Variants in MAJIN observed in about 807,000 individuals in gnomAD.
The protein encoded by MAJIN is membrane-anchored junction protein.
Under a neutral mutation model 30.2 loss-of-function variants are expected in MAJIN, and 27 were observed. The observed-to-expected ratio is 0.89, with a 90% confidence interval of 0.66 to 1.23. MAJIN has a LOEUF of 1.23. Among genes scored for constraint, MAJIN ranks in the 50% most tolerant of loss-of-function variants. The pLI is 0.00. For missense variants in MAJIN, 253 were observed against 260.3 expected (o/e 0.97, Z 0.19); for synonymous variants, 78 against 91.6 (o/e 0.85, Z 0.85).
At chr11:64,953,399 A>G (rs1331272107) in intron 4 of MAJIN, among the ~76,000 whole-genome samples, 1 of 152,196 alleles carries the variant, frequency 6.6e-6, no homozygotes, top group Non-Finnish European at 1.5e-5. Context: ...GACTGGCTCT[A>G]AAGTCTGTGT....
Position 64,938,420 on chromosome 11 carries a change from CCCA to C in MAJIN, c.*152_*154del. 3 of 1,303,146 alleles carry C rather than the reference CCCA, an allele frequency of 2.3e-6. No homozygotes were observed. The highest frequency in any genetic ancestry group is 3.2e-6 in the Non-Finnish European group (3 of 938,082). The allele number at this position is 1,303,146 out of a possible 1,614,324, so 80.7% of individuals were successfully genotyped here. On this transcript the variant is annotated 3_prime_UTR_variant, in exon 11 of 11. Transcript: ENST00000301896. ...AGGACTCAGCATGGGGACCTCATTC[CCCA>C]CGACTGAAGTGTCATAAGAAAAGGA...
chr11:64,967,115 A>G (rs995594819), intron 1 of MAJIN, among the ~76,000 whole-genome samples: 3 of 151,514 alleles, frequency 2.0e-5, no homozygotes, highest in Non-Finnish European at 4.4e-5. Flanking sequence ...ATCATATAAA[A>G]AAAAGAAAAA....
chr11:64,963,998 C>T (rs1945767848), intron 1 of MAJIN, among the ~76,000 whole-genome samples: 1 of 152,176 alleles, frequency 6.6e-6, no homozygotes, highest in Non-Finnish European at 1.5e-5. Context: ...AGCTGGAGTG[C>T]AGTAGCATGA....
At chr11:64,942,268 C>T (rs1050405905) in intron 8 of MAJIN, among the ~76,000 whole-genome samples, 5 of 151,628 alleles carry the variant, frequency 3.3e-5, no homozygotes, top group African/African-American at 4.8e-5. Context: ...ATTTTTTTCC[C>T]GTTTTTTAGA....
At chr11:64,941,664 A>G (rs1038441618) in intron 8 of MAJIN, among the ~76,000 whole-genome samples, 2 of 152,200 alleles carry the variant, frequency 1.3e-5, no homozygotes, top group African/African-American at 4.8e-5. Flanking sequence ...AAAAAGAAAA[A>G]GAAAAACAAA....
intron 3 of MAJIN, among the ~76,000 whole-genome samples, chr11:64,957,409 T>C (rs1945653145): frequency 1.3e-5 from 2 of 151,426 alleles, no homozygotes; most frequent in Admixed American, 6.6e-5. Context: ...TAGTTTATTG[T>C]TTTGTTTTGC....
Position 64,938,591 on chromosome 11 carries a change from G to T in MAJIN, c.*2-18C>A. On this transcript the variant is annotated intron_variant, in intron 10 of 10. Transcript: ENST00000301896. ...AGAGAGAGCTGCAAGAATGAGAACA[G>T]AGTAGGCTGAGACTCTATGAGGTCT... 1 of 1,534,942 alleles carries T rather than the reference G, an allele frequency of 6.5e-7. No individual in the cohort carries two copies. The highest frequency in any genetic ancestry group is 8.7e-7 in the Non-Finnish European group (1 of 1,145,938).
At chr11:64,970,361 CTTTT>C (rs1196525730) in intron 1 of MAJIN, among the ~76,000 whole-genome samples, 4 of 66,052 alleles carry the variant, frequency 6.1e-5, no homozygotes, top group Admixed American at 1.8e-4. Flanking sequence ...AAGACTCCGT[CTTTT>C]TTTTTTTTTT....
intron 9 of MAJIN, 132 bp downstream of exon 9, chr11:64,940,442 C>T (rs1945356637): frequency 7.1e-6 from 6 of 844,298 alleles, no homozygotes; most frequent in South Asian, 1.6e-5. Flanking sequence ...CTAACAAGCA[C>T]CTCCACGGGA....
intron 9 of MAJIN, 123 bp from the exon 10 acceptor site, chr11:64,939,890 G>C: frequency 1.3e-6 from 1 of 773,140 alleles, no homozygotes; most frequent in African/African-American, 1.8e-5. Flanking sequence ...TTTAAAGCCA[G>C]ATGAATTGTT....
At position 64,950,400 on chromosome 11, in the gene MAJIN, C is replaced by G; in HGVS notation, c.178G>C (p.Asp60His). ...TCTGTAGCAAAGGGCTGAAGATTGT[C>G]CAAGTTTCCCAAGACCACGCGGACA... ...DSVRVVLGNL[D>H]NLQPFATEHF... The change falls in exon 5 of 11, where the codon GAC becomes CAC. Residue 60 changes from aspartate to histidine, a missense_variant. Transcript: ENST00000301896. 1 of 1,612,084 alleles carries G rather than the reference C, an allele frequency of 6.2e-7. No individual in the cohort carries two copies. The highest frequency in any genetic ancestry group is 2.2e-5 in the East Asian group (1 of 44,850).
intron 5 of MAJIN, 133 bp from the exon 6 acceptor site, chr11:64,950,001 T>A: frequency 8.1e-7 from 1 of 1,239,638 alleles, no homozygotes; most frequent in Non-Finnish European, 1.1e-6. Flanking sequence ...TCCATTTGAG[T>A]CTAAAATGTG....
At chr11:64,967,418 AG>A (rs934220516) in intron 1 of MAJIN, among the ~76,000 whole-genome samples, 6 of 150,154 alleles carry the variant, frequency 4.0e-5, no homozygotes, top group African/African-American at 1.5e-4. Context: ...AAAAAGAAAA[AG>A]AAAAAAGAAA....
intron 5 of MAJIN, 22 bp downstream of exon 5, chr11:64,950,333 A>C: frequency 7.0e-7 from 1 of 1,419,422 alleles, no homozygotes; most frequent in African/African-American, 1.5e-5. Context: ...CCATCTCAAA[A>C]AAAAAAAAAA....
In MAJIN at chr11:64,956,763, GTTTTTTTTT is replaced by G. The variant is rs398016405; in HGVS notation, c.102-1970_102-1962del. Reference sequence around the variant, plus strand: ...TCCAAACTACAAATACATATAAGCTGTTTTTTTTTTTTTTTTTTTTGAGATGTTGTTTCG... The same window carrying G: ...TCCAAACTACAAATACATATAAGCTGTTTTTTTTTTTGAGATGTTGTTTCG... On this transcript the variant is annotated intron_variant, in intron 3 of 10. Transcript: ENST00000301896. Among the ~76,000 whole-genome samples the G allele has an allele frequency of 3.9e-5, 4 of 102,506 alleles. No individual in the cohort carries two copies. The East Asian group carries it at 1.2e-3, about 31-fold the overall frequency. 67.2% of individuals were successfully genotyped at this position (102,506 alleles called of 152,430 possible). A position where few individuals can be genotyped will look rare whatever the true frequency, so the allele number is the denominator to read the frequency against.
intron 4 of MAJIN, among the ~76,000 whole-genome samples, chr11:64,951,077 T>A (rs1397840970): frequency 6.6e-6 from 1 of 152,224 alleles, no homozygotes; most frequent in Non-Finnish European, 1.5e-5. Flanking sequence ...GCCTGGAGTC[T>A]TTACTACATT....
intron 4 of MAJIN, among the ~76,000 whole-genome samples, chr11:64,951,694 G>C (rs1021513158): frequency 6.7e-6 from 1 of 150,344 alleles, no homozygotes; most frequent in African/African-American, 2.5e-5. Flanking sequence ...GAACCTGGGA[G>C]GTCGAGGCTG....
Position 64,966,662 on chromosome 11 carries a change from G to A in MAJIN, c.-65+5215C>T, listed in dbSNP as rs148852652. Among the ~76,000 whole-genome samples, 12 of 152,114 alleles carry A rather than the reference G, an allele frequency of 7.9e-5. No individual in the cohort carries two copies. The East Asian group carries it at 2.1e-3, about 27-fold the overall frequency. Reference sequence around the variant, plus strand: ...AATTGTACTCGTGGCCAGGCGTGCAGTAGCTCACGCCTTGTAATCCCAGCA... The same window carrying A: ...AATTGTACTCGTGGCCAGGCGTGCAATAGCTCACGCCTTGTAATCCCAGCA... On this transcript the variant is annotated intron_variant, in intron 1 of 10. Coordinates refer to ENST00000301896, the MANE Select transcript of MAJIN (RefSeq NM_001037225.3).
intron 8 of MAJIN, chr11:64,946,046 T>G (rs1945446501): frequency 1.3e-6 from 2 of 1,495,278 alleles, no homozygotes; most frequent in Non-Finnish European, 1.8e-6. Context: ...GCTAATAGCC[T>G]TGAAGGCTCC....
Sources: gnomAD v4.1 joint callset for allele counts (sites outside exome capture counted in the v4.1 genomes callset) on GRCh38, gnomAD v4.1.1 for gene constraint, MANE v1.5 for transcripts, NCBI Gene and HGNC (gene_info 2026-07-23, HGNC 2026-07-21) for gene names.